Variants in FERRY3 observed in about 807,000 individuals in gnomAD.
FERRY3 encodes the protein protein C12orf4.
chr12:4,514,897 ATAAAAT>A, the FERRY3 span, among the ~76,000 whole-genome samples: 1 of 151,950 alleles, frequency 6.6e-6, no homozygotes, highest in Admixed American at 6.6e-5. Flanking sequence ...ATAAAATAAA[ATAAAAT>A]AAAAAATATT....
At chr12:4,491,030 C>A in the FERRY3 span, 3 of 690,892 alleles carry the variant, frequency 4.3e-6, no homozygotes, top group Non-Finnish European at 7.5e-6. Flanking sequence ...CTAAAAAAGT[C>A]TATTATGAAA....
chr12:4,528,998 T>C, the FERRY3 span, among the ~76,000 whole-genome samples: 29,030 of 151,698 alleles, frequency 0.19, 4,332 homozygotes, highest in African/African-American at 0.41. Flanking sequence ...AAAACTATTA[T>C]CTTAATGGCA....
At chr12:4,524,118 A>G in the FERRY3 span, among the ~76,000 whole-genome samples, 1 of 152,156 alleles carries the variant, frequency 6.6e-6, no homozygotes, top group African/African-American at 2.4e-5. Context: ...TTCACAGCAA[A>G]GGGCTTTCAC....
At chr12:4,510,536 C>T in the FERRY3 span, among the ~76,000 whole-genome samples, 1 of 143,588 alleles carries the variant, frequency 7.0e-6, no homozygotes, top group African/African-American at 2.6e-5. Flanking sequence ...ATCAGACTAA[C>T]AGCAGATCTC....
the FERRY3 span, among the ~76,000 whole-genome samples, chr12:4,501,400 C>A: frequency 6.6e-6 from 1 of 152,186 alleles, no homozygotes; most frequent in Non-Finnish European, 1.5e-5. Flanking sequence ...TGGACTGGCA[C>A]CGTCCATCAC....
At chr12:4,525,372 G>T in the FERRY3 span, 3 of 1,612,392 alleles carry the variant, frequency 1.9e-6, no homozygotes, top group African/African-American at 2.7e-5. Context: ...TTATTTTCTA[G>T]GTCCTAAAAG....
chr12:4,512,979 T>C, the FERRY3 span, among the ~76,000 whole-genome samples: 2 of 41,444 alleles, frequency 4.8e-5, no homozygotes, highest in East Asian at 9.8e-4. Flanking sequence ...CATGATTGTA[T>C]ATCTAGAAAA....
the FERRY3 span, among the ~76,000 whole-genome samples, chr12:4,495,256 A>G: frequency 6.6e-6 from 1 of 152,230 alleles, no homozygotes; most frequent in Non-Finnish European, 1.5e-5. Flanking sequence ...AGGAATAAAT[A>G]CTATTGTATA....
At chr12:4,500,170 T>C in the FERRY3 span, 32 of 1,613,946 alleles carry the variant, frequency 2.0e-5, no homozygotes, top group Non-Finnish European at 2.5e-6. Context: ...AAGAGAGGAA[T>C]GCTTATTGTT....
chr12:4,489,897 A>G, the FERRY3 span: 4 of 1,563,032 alleles, frequency 2.6e-6, no homozygotes, highest in Non-Finnish European at 3.5e-6. Context: ...CTTCAGAAAT[A>G]CTCTGTAAGA....
At chr12:4,506,519 T>TTGA in the FERRY3 span, among the ~76,000 whole-genome samples, 65 of 152,314 alleles carry the variant, frequency 4.3e-4, no homozygotes, top group African/African-American at 1.6e-3. Flanking sequence ...GCCATGTGAT[T>TTGA]TGATAGGCTT....
chr12:4,516,013 A>G, the FERRY3 span, among the ~76,000 whole-genome samples: 2 of 152,228 alleles, frequency 1.3e-5, no homozygotes, highest in Non-Finnish European at 2.9e-5. Context: ...TGTTATGGAT[A>G]AATATAGAAA....
At chr12:4,508,145 C>T in the FERRY3 span, among the ~76,000 whole-genome samples, 15 of 152,032 alleles carry the variant, frequency 9.9e-5, no homozygotes, top group East Asian at 5.8e-4. Context: ...ATTCTAGCTA[C>T]GGGAGAAAGG....
the FERRY3 span, among the ~76,000 whole-genome samples, chr12:4,537,048 A>T: frequency 6.6e-6 from 1 of 152,188 alleles, no homozygotes; most frequent in African/African-American, 2.4e-5. Context: ...CCCAGTTTAC[A>T]ACACCCCTGC....
At chr12:4,487,759 A>T in the FERRY3 span, 100 of 152,036 alleles carry the variant, frequency 6.6e-4, no homozygotes, top group African/African-American at 2.4e-3. Context: ...TTTTTATTGT[A>T]TTTTTTTTCA....
chr12:4,530,046 G>C, the FERRY3 span: 1 of 1,610,682 alleles, frequency 6.2e-7, no homozygotes, highest in South Asian at 1.1e-5. Context: ...ATGCTCTAAC[G>C]TGGTCTACAA....
the FERRY3 span, chr12:4,499,986 T>A: frequency 1.5e-6 from 1 of 685,948 alleles, no homozygotes. Context: ...CCAATTTGTA[T>A]TATATTTCAC....
the FERRY3 span, among the ~76,000 whole-genome samples, chr12:4,513,631 C>A: frequency 6.6e-6 from 1 of 152,120 alleles, no homozygotes; most frequent in African/African-American, 2.4e-5. Flanking sequence ...CTGAGAAAAA[C>A]AAGCAATGGG....
the FERRY3 span, chr12:4,509,377 C>G: frequency 6.1e-4 from 102 of 166,762 alleles, no homozygotes; most frequent in East Asian, 2.7e-3. Context: ...CGGGAAGCTC[C>G]AACTGGGCAG....
Sources: allele counts gnomAD v4.1 joint callset (sites outside exome capture counted in the v4.1 genomes callset), GRCh38; gene constraint gnomAD v4.1.1; transcripts MANE v1.5; gene names NCBI Gene and HGNC (gene_info 2026-07-23, HGNC 2026-07-21).